Variants in GRID1 observed in about 807,000 individuals in gnomAD.
The protein encoded by GRID1 is glutamate ionotropic receptor delta type subunit 1.
Under a neutral mutation model 98.0 loss-of-function variants are expected in GRID1, and 28 were observed. The observed-to-expected ratio is 0.29, with a 90% CI of 0.21 to 0.39. The LOEUF (loss-of-function observed/expected upper bound fraction) is 0.39. Among genes scored for constraint, GRID1 ranks in the 10% least tolerant of loss-of-function variants. The pLI is 1.00. For synonymous variants in GRID1, 553 were observed against 538.5 expected (o/e 1.03, Z -0.37); for missense variants, 1,111 against 1,340.5 (o/e 0.83, Z 2.67).
At chr10:85,768,647 C>T (rs1259633259) in intron 8 of GRID1, among the ~76,000 whole-genome samples, 1 of 152,224 alleles carries the variant, frequency 6.6e-6, no homozygotes, top group African/African-American at 2.4e-5. Context: ...TACACAGCCT[C>T]ATACAGGATA....
chr10:86,080,084 A>G (rs1472327634), intron 4 of GRID1, among the ~76,000 whole-genome samples: 3 of 152,136 alleles, frequency 2.0e-5, no homozygotes, highest in African/African-American at 7.2e-5. Flanking sequence ...CTGTAATCCC[A>G]GCACTTTGGG....
chr10:86,265,501 G>A (rs1295377845), intron 2 of GRID1, among the ~76,000 whole-genome samples: 1 of 152,226 alleles, frequency 6.6e-6, no homozygotes, highest in African/African-American at 2.4e-5. Context: ...GGCCCAGCGT[G>A]GATTTGAATC....
intron 4 of GRID1, among the ~76,000 whole-genome samples, chr10:86,012,862 A>G (rs1441884609): frequency 1.3e-5 from 2 of 152,180 alleles, no homozygotes; most frequent in African/African-American, 4.8e-5. Flanking sequence ...ATAAATTACT[A>G]TTGTTTATAA....
At chr10:85,844,534 G>A (rs1312054798) in intron 8 of GRID1, among the ~76,000 whole-genome samples, 1 of 151,638 alleles carries the variant, frequency 6.6e-6, no homozygotes, top group Non-Finnish European at 1.5e-5. Flanking sequence ...TATCCTTATT[G>A]TGTTATTGCA....
intron 4 of GRID1, among the ~76,000 whole-genome samples, chr10:86,097,039 C>T (rs542168902): frequency 6.6e-6 from 1 of 152,278 alleles, no homozygotes; most frequent in East Asian, 1.9e-4. Flanking sequence ...CTCCAGGCTT[C>T]CCAGCCTTTG....
At chr10:85,751,681 C>T (rs1842047181) in intron 8 of GRID1, among the ~76,000 whole-genome samples, 1 of 152,048 alleles carries the variant, frequency 6.6e-6, no homozygotes, top group South Asian at 2.1e-4. Flanking sequence ...CAACCATATA[C>T]ACATTTAATA....
chr10:86,357,811 T>G (rs569152528), intron 2 of GRID1, among the ~76,000 whole-genome samples: 1 of 152,152 alleles, frequency 6.6e-6, no homozygotes, highest in South Asian at 2.1e-4. Context: ...GCCTGCAGCC[T>G]CATCCACAGC....
Position 85,602,392 on chromosome 10 carries a change from G to C in GRID1, c.2911C>G (p.Pro971Ala). 7 of 1,610,346 alleles carry C rather than the reference G, an allele frequency of 4.3e-6. No individual in the cohort carries two copies. Among genetic ancestry groups the C allele is most frequent in the Non-Finnish European group, 5.9e-6 (7 of 1,176,960 alleles). ...CTCTGCCGGAACAGCCCCCCGTTGG[G>C]TGACCTGTGTTTGCACTGCATGGAG... Reference protein sequence around the residue: ...MPSMQCKHRSPNGGLFRQSPV... With the variant: ...MPSMQCKHRSANGGLFRQSPV... Residue 971 changes from proline (P) to alanine (A), a missense_variant, in exon 16 of 16, where the codon CCC (proline) becomes GCC (alanine). Transcript: ENST00000327946.
At chr10:86,327,774 T>C (rs1896523) in intron 2 of GRID1, among the ~76,000 whole-genome samples, 77,296 of 152,134 alleles carry the variant, frequency 0.51, 23,574 homozygotes, top group Non-Finnish European at 0.67. Context: ...ATATCAAGTG[T>C]TGGCAAGAAT....
intron 8 of GRID1, among the ~76,000 whole-genome samples, chr10:85,821,188 A>G (rs1842766519): frequency 6.6e-6 from 1 of 152,076 alleles, no homozygotes; most frequent in Non-Finnish European, 1.5e-5. Context: ...ATATTTACAT[A>G]AAATTATAGG....
intron 2 of GRID1, among the ~76,000 whole-genome samples, chr10:86,232,690 G>A (rs1846475391): frequency 6.6e-6 from 1 of 152,244 alleles, no homozygotes; most frequent in East Asian, 1.9e-4. Context: ...CTCAGGATGA[G>A]ACTTCCTTTT....
chr10:85,951,072 C>T (rs562938046), intron 4 of GRID1, among the ~76,000 whole-genome samples: 77 of 152,252 alleles, frequency 5.1e-4, no homozygotes, highest in Non-Finnish European at 9.0e-4. Context: ...CTCCTATCCC[C>T]GGTCATTGGA....
At chr10:85,633,006 G>C (rs1428141726) in intron 13 of GRID1, among the ~76,000 whole-genome samples, 3 of 152,192 alleles carry the variant, frequency 2.0e-5, no homozygotes, top group Non-Finnish European at 4.4e-5. Flanking sequence ...TTAGTTTGCT[G>C]AAGATAATGG....
At chr10:85,913,829 T>C (rs1441798279) in intron 5 of GRID1, among the ~76,000 whole-genome samples, 1 of 152,048 alleles carries the variant, frequency 6.6e-6, no homozygotes, top group Admixed American at 6.6e-5. Context: ...AAATATTAGA[T>C]GTTGTCCCTT....
chr10:86,295,697 G>A (rs1027281996), intron 2 of GRID1, among the ~76,000 whole-genome samples: 6 of 152,178 alleles, frequency 3.9e-5, no homozygotes, highest in Admixed American at 3.9e-4. Flanking sequence ...CTGCAGGTTG[G>A]GGTTTTGCCC....
At chr10:86,048,850 C>T (rs1190914545) in intron 4 of GRID1, among the ~76,000 whole-genome samples, 1 of 152,214 alleles carries the variant, frequency 6.6e-6, no homozygotes, top group Non-Finnish European at 1.5e-5. Context: ...AGCTCAAAGG[C>T]CCTACAGGCT....
chr10:85,646,331 T>C (rs17307596), intron 13 of GRID1: 17,776 of 152,258 alleles, frequency 0.12, 1,167 homozygotes, highest in Non-Finnish European at 0.15. Flanking sequence ...AGCCATTGCA[T>C]GTGGGGTTCA....
chr10:86,115,553 T>C lies in GRID1; in HGVS notation c.726+23266A>G, dbSNP rs138251356. On this transcript the variant is annotated intron_variant, in intron 4 of 15. Coordinates refer to ENST00000327946, the MANE Select transcript of GRID1 (RefSeq NM_017551.3). Reference sequence around the variant, plus strand: ...GCCACCTACAAGGTAGGTAATCTCATTACCCCCATTTTTCAGGTGAAAAAA... The same window carrying C: ...GCCACCTACAAGGTAGGTAATCTCACTACCCCCATTTTTCAGGTGAAAAAA... Among the ~76,000 whole-genome samples the C allele has an allele frequency of 1.0e-3, 153 of 152,322 alleles. 2 individuals carry two copies. Among genetic ancestry groups the C allele is most frequent in the African/African-American group, 3.6e-3 (150 of 41,562 alleles).
intron 3 of GRID1, among the ~76,000 whole-genome samples, chr10:86,203,089 AG>A (rs1461307792): frequency 2.0e-5 from 3 of 152,212 alleles, no homozygotes; most frequent in South Asian, 4.1e-4. Context: ...CTGACCTCAG[AG>A]GGATGTTGGG....
Sources: gnomAD v4.1 joint callset for allele counts (sites outside exome capture counted in the v4.1 genomes callset) on GRCh38, gnomAD v4.1.1 for gene constraint, MANE v1.5 for transcripts, NCBI Gene and HGNC (gene_info 2026-07-23, HGNC 2026-07-21) for gene names.